HDLBP: variants seen among roughly 807,000 people sequenced by gnomAD.
HDLBP encodes high density lipoprotein binding protein.
HDLBP carries 30 observed loss-of-function variants against 137.3 expected under a neutral mutation model. The observed-to-expected ratio is 0.22, with a 90% CI of 0.16 to 0.30. HDLBP has a LOEUF of 0.30. Ranked by LOEUF, HDLBP falls within the 10% of genes least tolerant of loss-of-function variation. HDLBP has a pLI of 1.00. For missense variants in HDLBP, 1,119 were observed against 1,667.3 expected (o/e 0.67, Z 5.73); for synonymous variants, 606 against 596.0 (o/e 1.02, Z -0.24).
In HDLBP at chr2:241,239,376, CT is replaced by C. The variant is rs928760320; in HGVS notation, c.2610+225del. 4.5e-4 allele frequency among the ~76,000 whole-genome samples: 67 copies of C among 147,486 alleles called. No homozygotes were observed. Among genetic ancestry groups the C allele is most frequent in the Middle Eastern group, 3.5e-3 (1 of 288 alleles). On this transcript the variant is annotated intron_variant, in intron 19 of 27. Transcript: ENST00000310931. The surrounding 1 kb of genome is among the most constrained non-coding windows in gnomAD (Gnocchi z 4.6). Reference sequence around the variant, plus strand: ...CCTCTCCTCTTCTCCTTCTCTCTCTCTTTTTTTTTTTAAGTGCTTCTCGCAG... The same window carrying C: ...CCTCTCCTCTTCTCCTTCTCTCTCTCTTTTTTTTTTAAGTGCTTCTCGCAG...
intron 9 of HDLBP, 66 bp from the exon 10 acceptor site, chr2:241,253,563 G>C: frequency 1.4e-5 from 15 of 1,093,962 alleles, no homozygotes; most frequent in Non-Finnish European, 1.8e-5. Context: ...TGAGCTCCCA[G>C]TGGGAGCTCT....
rs2073719305 is a variant in HDLBP at position 241,266,962 on chromosome 2, G to A, written c.-37-56C>T. ...AAGTACAACCCTCAATTATCTATGA[G>A]ATTGTTAACCTAAGAGTTTTAGCAA... is the stretch of plus-strand genomic sequence containing the variant. On this transcript the variant is annotated intron_variant, in intron 2 of 27. Transcript: ENST00000310931. The A allele has an allele frequency of 4.7e-6, 6 of 1,288,614 alleles. No homozygotes were observed. In the Admixed American group the frequency reaches 1.0e-4, roughly 22 times the overall value. The allele number at this position is 1,288,614 out of a possible 1,614,324, so 79.8% of individuals were successfully genotyped here.
chr2:241,234,806 C>T (rs2149350225), intron 23 of HDLBP, among the ~76,000 whole-genome samples: 1 of 152,328 alleles, frequency 6.6e-6, no homozygotes, highest in South Asian at 2.1e-4. Flanking sequence ...ATAGCACATG[C>T]TTGGGGGCCT....
chr2:241,285,769 C>T (rs2074784335), intron 1 of HDLBP, among the ~76,000 whole-genome samples: 1 of 152,168 alleles, frequency 6.6e-6, no homozygotes, highest in Non-Finnish European at 1.5e-5. Context: ...TGACTCATGC[C>T]TATAATCCTA....
chr2:241,272,827 G>C lies in HDLBP; in HGVS notation c.-102-4286C>G, dbSNP rs1428666141. On this transcript the variant is annotated intron_variant, in intron 1 of 27. Coordinates refer to ENST00000310931, the MANE Select transcript of HDLBP (RefSeq NM_005336.6). This position sits in a 1 kb window ranked among gnomAD's most constrained non-coding sequence, Gnocchi z 5.6. Reference sequence around the variant, plus strand: ...CCCCCCGCGCGGGAGAAGCCGGGACGCTCCGAGGCGCGGCGCCCGGGCCCC... The same window carrying C: ...CCCCCCGCGCGGGAGAAGCCGGGACCCTCCGAGGCGCGGCGCCCGGGCCCC... 3.6e-6 allele frequency: 1 copy of C among 278,810 alleles called. No homozygotes were observed. The highest frequency in any genetic ancestry group is 2.3e-5 in the African/African-American group (1 of 43,684). The allele number at this position is 278,810 out of a possible 1,614,324, so 17.3% of individuals were successfully genotyped here.
At position 241,255,423 on chromosome 2, in the gene HDLBP, C is replaced by T. The variant is rs1167605599; in HGVS notation, c.1031G>A (p.Arg344Gln). Reference sequence around the variant, plus strand: ...CTGACCTAACTTTTCAGGTTCGCCTCGAAGTATTACAGTCTCAGAGATGCT... The same window carrying T: ...CTGACCTAACTTTTCAGGTTCGCCTTGAAGTATTACAGTCTCAGAGATGCT... Reference protein sequence around the residue: ...SDSISETVILRGEPEKLGQAL... With the variant: ...SDSISETVILQGEPEKLGQAL... Residue 344 changes from arginine to glutamine, a missense_variant, in exon 8 of 28, where the codon CGA becomes CAA. Coordinates refer to ENST00000310931, the MANE Select transcript of HDLBP (RefSeq NM_005336.6). The T allele has an allele frequency of 6.2e-7, 1 of 1,614,052 alleles. No homozygotes were observed. The highest frequency in any genetic ancestry group is 8.5e-7 in the Non-Finnish European group (1 of 1,180,044).
chr2:241,285,098 C>A (rs2074753575), intron 1 of HDLBP, among the ~76,000 whole-genome samples: 2 of 152,252 alleles, frequency 1.3e-5, no homozygotes, highest in African/African-American at 4.8e-5. Context: ...CCAGGCTGGT[C>A]TCGAACTCCT....
intron 4 of HDLBP, among the ~76,000 whole-genome samples, chr2:241,263,694 A>G (rs866463642): frequency 6.6e-6 from 1 of 152,206 alleles, no homozygotes; most frequent in Non-Finnish European, 1.5e-5. Context: ...AATTTATATA[A>G]AAGTTTTGAA....
chr2:241,307,603 C>G (rs913432838), intron 1 of HDLBP, among the ~76,000 whole-genome samples: 1 of 152,194 alleles, frequency 6.6e-6, no homozygotes, highest in African/African-American at 2.4e-5. Context: ...GCAACCCCCC[C>G]ATGAGGCTTT....
intron 3 of HDLBP, among the ~76,000 whole-genome samples, chr2:241,264,969 G>C (rs1166221142): frequency 6.6e-6 from 1 of 152,142 alleles, no homozygotes; most frequent in Non-Finnish European, 1.5e-5. Context: ...GTCCTCTAGA[G>C]TCTAATAACA....
chr2:241,297,590 G>A (rs1217246947), intron 1 of HDLBP, among the ~76,000 whole-genome samples: 1 of 152,108 alleles, frequency 6.6e-6, no homozygotes, highest in African/African-American at 2.4e-5. Flanking sequence ...TAACACTCCA[G>A]CAACCTAGCT....
chr2:241,232,528 G>A (rs1230269526), intron 24 of HDLBP, among the ~76,000 whole-genome samples: 2 of 152,126 alleles, frequency 1.3e-5, no homozygotes, highest in East Asian at 3.8e-4. Context: ...CACCCGCCTC[G>A]GCCTCCAAAA....
intron 1 of HDLBP, among the ~76,000 whole-genome samples, chr2:241,282,753 C>G (rs547528884): frequency 6.6e-6 from 1 of 152,288 alleles, no homozygotes; most frequent in South Asian, 2.1e-4. Context: ...AGGCAGAGAA[C>G]TTAATCAATC....
In HDLBP at chr2:241,240,013, C is replaced by T. The variant is rs370186689; in HGVS notation, c.2279G>A (p.Arg760His). 13 of 1,614,076 alleles carry T rather than the reference C, an allele frequency of 8.1e-6. No individual in the cohort carries two copies. The highest frequency in any genetic ancestry group is 3.3e-5 in the South Asian group (3 of 91,088). Residue 760 changes from arginine to histidine, a missense_variant, in exon 18 of 28, where the codon CGT becomes CAT. By Grantham distance (29) the Arg-to-His change is conservative. Coordinates refer to ENST00000310931, the MANE Select transcript of HDLBP (RefSeq NM_005336.6). The surrounding 1 kb of genome is among the most constrained non-coding windows in gnomAD (Gnocchi z 5.5). ...GTCCTCAGCCGCAGGGAAGATGACA[C>T]GTGCTCCAGTGCTGTCGCGCACCTT... ...IRKVRDSTGA[R>H]VIFPAAEDKD... is the part of the protein sequence containing the mutation.
intron 1 of HDLBP, among the ~76,000 whole-genome samples, chr2:241,309,195 T>C (rs907266759): frequency 1.3e-5 from 2 of 152,154 alleles, no homozygotes; most frequent in African/African-American, 2.4e-5. Flanking sequence ...TTTATTTTCC[T>C]CCTTTCTTCT....
In HDLBP at chr2:241,240,847, T is replaced by C. The variant is rs1359458868; in HGVS notation, c.2170-725A>G. ...GCAGGGGCCCCGAGAAGGGCGCTGC[T>C]CCACGGGACTCAGGTCCACACGGGG... is the stretch of plus-strand genomic sequence containing the variant. On this transcript the variant is annotated intron_variant, in intron 17 of 27. Transcript: ENST00000310931. This position sits in a 1 kb window ranked among gnomAD's most constrained non-coding sequence, Gnocchi z 5.5. Among the ~76,000 whole-genome samples the C allele has an allele frequency of 2.6e-5, 4 of 152,102 alleles. No individual in the cohort carries two copies. The highest frequency in any genetic ancestry group is 6.6e-5 in the Admixed American group (1 of 15,256).
At chr2:241,236,983 G>A (rs78770715) in intron 20 of HDLBP, among the ~76,000 whole-genome samples, 7 of 107,394 alleles carry the variant, frequency 6.5e-5, no homozygotes, top group African/African-American at 1.7e-4. Flanking sequence ...ACCTTGGGGG[G>A]GGGGGGGGGG....
chr2:241,286,233 C>T (rs993274530), intron 1 of HDLBP, among the ~76,000 whole-genome samples: 38 of 152,160 alleles, frequency 2.5e-4, no homozygotes, highest in African/African-American at 8.2e-4. Flanking sequence ...GTGGGTAGAT[C>T]GCTTGAGCCC....
In HDLBP at chr2:241,235,196, G is replaced by A. The variant is rs144219848; in HGVS notation, c.3069C>T (p.Leu1023=). The A allele has an allele frequency of 5.8e-5, 93 of 1,614,200 alleles. No individual in the cohort carries two copies. The African/African-American group carries it at 9.3e-4, about 16-fold the overall frequency. The part of the protein sequence containing the change: ...LQSDIIAITG[L]AANLDRAKAG... ...CCTTGGCCCGGTCCAAATTTGCAGC[G>A]AGGCCCGTGATGGCGATGATGTCAG... is the stretch of plus-strand genomic sequence containing the variant. Residue 1023 remains leucine (L), a synonymous_variant, in exon 23 of 28, where the codon CTC becomes CTT. Transcript: ENST00000310931.
Sources: allele counts gnomAD v4.1 joint callset (sites outside exome capture counted in the v4.1 genomes callset), GRCh38; gene constraint gnomAD v4.1.1; non-coding constraint Gnocchi (gnomAD v3.1); transcripts MANE v1.5; gene names NCBI Gene and HGNC (gene_info 2026-07-23, HGNC 2026-07-21).